Variants in DACH1 observed in about 807,000 individuals in gnomAD.
DACH1 encodes dachshund homolog 1.
DACH1 carries 12 observed loss-of-function variants against 54.2 expected under a neutral mutation model. The ratio of observed to expected loss-of-function variants is 0.22; its 90% CI spans 0.14 to 0.36. The LOEUF (loss-of-function observed/expected upper bound fraction) is 0.36. Among genes scored for constraint, DACH1 ranks in the 10% least tolerant of loss-of-function variants. The pLI is 1.00. For synonymous variants in DACH1, 386 were observed against 366.2 expected, an observed-to-expected ratio of 1.05 and a Z score of -0.62; for missense variants, 805 against 929.8, an observed-to-expected ratio of 0.87 and a Z score of 1.75.
At chr13:71,480,551 T>C (rs925360512) in intron 7 of DACH1, among the ~76,000 whole-genome samples, 3 of 152,202 alleles carry the variant, frequency 2.0e-5, no homozygotes, top group Non-Finnish European at 2.9e-5. Flanking sequence ...AGCTAAAACT[T>C]CTCTTCAATT....
intron 1 of DACH1, among the ~76,000 whole-genome samples, chr13:71,827,878 A>G (rs1468776219): frequency 6.6e-6 from 1 of 152,046 alleles, no homozygotes; most frequent in Non-Finnish European, 1.5e-5. Context: ...CTTTTTTGAA[A>G]ACCAGCGACT....
chr13:71,783,008 G>C (rs1300507840), intron 1 of DACH1, among the ~76,000 whole-genome samples: 1 of 152,138 alleles, frequency 6.6e-6, no homozygotes, highest in Non-Finnish European at 1.5e-5. Context: ...GACAGTGAAA[G>C]AGGGAAGGAT....
intron 2 of DACH1, among the ~76,000 whole-genome samples, chr13:71,666,478 A>G (rs182829416): frequency 3.3e-5 from 5 of 152,302 alleles, no homozygotes. Flanking sequence ...TTATTTCTAA[A>G]AAGTAATATT....
rs754255469 is a variant in DACH1, at chr13:71,546,799, A to T, written c.1570+10225T>A. On this transcript the variant is annotated intron_variant, in intron 6 of 10. Transcript: ENST00000613252. The stretch of plus-strand genomic sequence containing the variant: ...TATAAACAAAGCTTAGACCAAAAGC[A>T]CTAAAAACAATTGAATACTTATTTT... Among the ~76,000 whole-genome samples, 5 of 152,216 alleles carry T rather than the reference A, an allele frequency of 3.3e-5. No individual in the cohort carries two copies. In the East Asian group the frequency reaches 9.7e-4, roughly 29 times the overall value.
intron 2 of DACH1, among the ~76,000 whole-genome samples, chr13:71,643,728 C>G (rs957964425): frequency 1.3e-5 from 2 of 152,050 alleles, no homozygotes; most frequent in Non-Finnish European, 2.9e-5. Context: ...AGTTAATAAA[C>G]TTTCATTGAA....
At chr13:71,689,652 G>A (rs1161573379) in intron 1 of DACH1, among the ~76,000 whole-genome samples, 1 of 151,966 alleles carries the variant, frequency 6.6e-6, no homozygotes, top group East Asian at 1.9e-4. Context: ...AAAAGCCAAA[G>A]ACAAAATATC....
At chr13:71,865,537 G>T (rs1335977921) in intron 1 of DACH1, among the ~76,000 whole-genome samples, 1 of 152,110 alleles carries the variant, frequency 6.6e-6, no homozygotes, top group Non-Finnish European at 1.5e-5. Context: ...GCACGAACGC[G>T]GACAGCAGCG....
intron 2 of DACH1, chr13:71,675,395 G>T (rs1339445812): frequency 6.8e-7 from 1 of 1,467,882 alleles, no homozygotes. Flanking sequence ...ACCAACCTGT[G>T]TGCTATCCAT....
intron 6 of DACH1, among the ~76,000 whole-genome samples, chr13:71,495,859 G>T (rs1330607349): frequency 6.6e-6 from 1 of 152,074 alleles, no homozygotes. Flanking sequence ...ACTTGCACTT[G>T]TATGTTTATT....
chr13:71,760,105 C>T (rs185261928), intron 1 of DACH1, among the ~76,000 whole-genome samples: 33 of 152,310 alleles, frequency 2.2e-4, no homozygotes, highest in South Asian at 4.1e-4. Flanking sequence ...GCTACCACGG[C>T]GGCCCCAGGT....
At chr13:71,787,363 A>G (rs1053643336) in intron 1 of DACH1, among the ~76,000 whole-genome samples, 1 of 152,202 alleles carries the variant, frequency 6.6e-6, no homozygotes, top group Admixed American at 6.5e-5. Flanking sequence ...ACTTATCATC[A>G]GCATGAAATT....
At chr13:71,663,160 TTG>T (rs142396087) in intron 2 of DACH1, among the ~76,000 whole-genome samples, 72 of 150,368 alleles carry the variant, frequency 4.8e-4, no homozygotes, top group Non-Finnish European at 9.4e-4. Context: ...GTGTATATGA[TTG>T]TGTGTGTGTG....
chr13:71,618,508 T>C (rs780782214), intron 3 of DACH1, among the ~76,000 whole-genome samples: 1 of 152,092 alleles, frequency 6.6e-6, no homozygotes, highest in Non-Finnish European at 1.5e-5. Flanking sequence ...TTTTTCCTTG[T>C]TGTGCATCAA....
At chr13:71,661,798 A>G (rs1262709174) in intron 2 of DACH1, among the ~76,000 whole-genome samples, 1 of 151,986 alleles carries the variant, frequency 6.6e-6, no homozygotes, top group African/African-American at 2.4e-5. Context: ...TTTCCATGCA[A>G]TATGGTCCAC....
At position 71,866,256 on chromosome 13, in the gene DACH1, C is replaced by A; in HGVS notation, c.514G>T (p.Val172Leu). Reference sequence around the variant, plus strand: ...TCCACTGGGGACGGGGTTGAGTACACGGGTTTCCCGGGGAGGGGGCCGCAG... The same window carrying A: ...TCCACTGGGGACGGGGTTGAGTACAAGGGTTTCCCGGGGAGGGGGCCGCAG... ...SSCGPLPGKP[V>L]YSTPSPVENT... Residue 172 changes from valine to leucine, a missense_variant, in exon 1 of 11, where the codon GTG becomes TTG. Around this residue, in one of 3 missense-constraint regions of DACH1, gnomAD observed 305 missense variants for 308.7 expected, o/e 0.99. Coordinates refer to ENST00000613252, the MANE Select transcript of DACH1 (RefSeq NM_080759.6). The A allele has an allele frequency of 6.2e-7, 1 of 1,603,556 alleles. No individual in the cohort carries two copies. Among genetic ancestry groups the A allele is most frequent in the Non-Finnish European group, 8.5e-7 (1 of 1,174,540 alleles).
At chr13:71,814,522 C>T (rs1887836430) in intron 1 of DACH1, among the ~76,000 whole-genome samples, 1 of 152,100 alleles carries the variant, frequency 6.6e-6, no homozygotes, top group South Asian at 2.1e-4. Flanking sequence ...AAACAAGTTG[C>T]AGATAATTTA....
chr13:71,863,182 A>T (rs1874468942), intron 1 of DACH1, among the ~76,000 whole-genome samples: 2 of 152,170 alleles, frequency 1.3e-5, no homozygotes, highest in Admixed American at 1.3e-4. Flanking sequence ...AAGAAATAAG[A>T]CAATAATGCT....
chr13:71,502,393 T>C (rs1256386423), intron 6 of DACH1, among the ~76,000 whole-genome samples: 2 of 152,172 alleles, frequency 1.3e-5, no homozygotes, highest in Non-Finnish European at 2.9e-5. Context: ...AGTTTAACTT[T>C]AGGTAGCTTA....
chr13:71,627,853 C>A (rs142114817), intron 3 of DACH1, among the ~76,000 whole-genome samples: 1 of 152,026 alleles, frequency 6.6e-6, no homozygotes, highest in African/African-American at 2.4e-5. Context: ...CTACCAGAGA[C>A]AATGGAAAAG....
Sources: allele counts gnomAD v4.1 joint callset (sites outside exome capture counted in the v4.1 genomes callset), GRCh38; gene constraint gnomAD v4.1.1; regional missense constraint gnomAD v4.1.1; transcripts MANE v1.5; gene names NCBI Gene and HGNC (gene_info 2026-07-23, HGNC 2026-07-21).